RAMP3: variants seen among roughly 807,000 people sequenced by gnomAD.
RAMP3 encodes receptor activity modifying protein 3, also known as receptor activity-modifying protein 3.
Under a neutral mutation model 13.5 loss-of-function variants are expected in RAMP3, and 14 were observed. That is an observed-to-expected ratio of 1.04 (90% confidence interval 0.69 to 1.63). The LOEUF is 1.63. RAMP3 is among the 40% of genes most tolerant of loss of function. RAMP3 has a pLI of 0.00. For missense variants in RAMP3, 200 were observed against 204.8 expected (o/e 0.98, Z 0.14); for synonymous variants, 106 against 88.3 (o/e 1.20, Z -1.12).
chr7:45,158,369 T>G (rs1285197731), intron 1 of RAMP3, among the ~76,000 whole-genome samples: 2 of 152,126 alleles, frequency 1.3e-5, no homozygotes, highest in African/African-American at 4.8e-5. Context: ...CCAGGGCCCC[T>G]CAGTGTGTGG....
chr7:45,163,267 C>A (rs746548347), intron 1 of RAMP3: 8 of 985,284 alleles, frequency 8.1e-6, no homozygotes, highest in Non-Finnish European at 9.6e-6. Flanking sequence ...GGGATAGAGC[C>A]CCCAAGCCTC....
chr7:45,178,846 G>C (rs1398314182), intron 2 of RAMP3, among the ~76,000 whole-genome samples: 2 of 152,214 alleles, frequency 1.3e-5, no homozygotes, highest in Admixed American at 6.5e-5. Context: ...AACCCGATGG[G>C]CATTTAGGAG....
chr7:45,172,394 T>C (rs77784408), intron 1 of RAMP3, among the ~76,000 whole-genome samples: 203 of 152,364 alleles, frequency 1.3e-3, no homozygotes, highest in African/African-American at 4.7e-3. Context: ...GTAGATTTTC[T>C]TGAATAACCT....
chr7:45,176,293 C>T (rs1786184814), intron 1 of RAMP3, among the ~76,000 whole-genome samples: 1 of 152,064 alleles, frequency 6.6e-6, no homozygotes, highest in African/African-American at 2.4e-5. Context: ...AGCCCAGCAC[C>T]AGCCGCCGGA....
chr7:45,169,051 C>T (rs761842585), intron 1 of RAMP3, among the ~76,000 whole-genome samples: 1 of 152,136 alleles, frequency 6.6e-6, no homozygotes, highest in Non-Finnish European at 1.5e-5. Context: ...TTCCCCCCTT[C>T]GTTTATTAAT....
chr7:45,166,453 T>C (rs1422964123), intron 1 of RAMP3, among the ~76,000 whole-genome samples: 1 of 152,228 alleles, frequency 6.6e-6, no homozygotes, highest in African/African-American at 2.4e-5. Context: ...ATCATTTATA[T>C]ATATTTTTGT....
At chr7:45,164,761 A>G (rs1300839727) in intron 1 of RAMP3, among the ~76,000 whole-genome samples, 2 of 152,202 alleles carry the variant, frequency 1.3e-5, no homozygotes, top group African/African-American at 4.8e-5. Flanking sequence ...TCTGATATTA[A>G]TATAGCCACT....
At chr7:45,160,228 A>G (rs1471495058) in intron 1 of RAMP3, among the ~76,000 whole-genome samples, 1 of 149,596 alleles carries the variant, frequency 6.7e-6, no homozygotes, top group Non-Finnish European at 1.5e-5. Context: ...GCTACTCAGG[A>G]GGCTGAGGCA....
intron 2 of RAMP3, 49 bp from the exon 3 acceptor site, chr7:45,183,108 G>T: frequency 6.3e-7 from 1 of 1,598,532 alleles, no homozygotes; most frequent in Non-Finnish European, 8.5e-7. Flanking sequence ...CAGGGCAGGT[G>T]TGAGGGGGGA....
chr7:45,175,560 G>T (rs1400324669), intron 1 of RAMP3, among the ~76,000 whole-genome samples: 4 of 152,220 alleles, frequency 2.6e-5, no homozygotes. Context: ...CTGAGGTATA[G>T]GTTTGGGCAG....
intron 2 of RAMP3, 144 bp from the exon 3 acceptor site, chr7:45,183,013 T>TG: frequency 8.8e-7 from 1 of 1,141,222 alleles, no homozygotes; most frequent in Non-Finnish European, 1.2e-6. Context: ...GTGGCCAGAA[T>TG]GGGGATTTTC....
At position 45,157,822 on chromosome 7, in the gene RAMP3, G is replaced by C; in HGVS notation, c.-7G>C. 1.4e-6 allele frequency: 2 copies of C among 1,443,578 alleles called. No homozygotes were observed. The allele number at this position is 1,443,578 out of a possible 1,614,324, so 89.4% of individuals were successfully genotyped here. On this transcript the variant is annotated 5_prime_UTR_variant, in exon 1 of 3. Coordinates refer to ENST00000242249, the MANE Select transcript of RAMP3 (RefSeq NM_005856.3). ...ACCGAGCGTGACCCAGCTGCGGCCG[G>C]CCAGCCATGGAGACTGGAGCGCTGC...
At chr7:45,160,537 C>T (rs985808308) in intron 1 of RAMP3, among the ~76,000 whole-genome samples, 2 of 151,806 alleles carry the variant, frequency 1.3e-5, no homozygotes, top group African/African-American at 4.8e-5. Context: ...GGCAGAACCG[C>T]CCAGAATCCA....
intron 1 of RAMP3, among the ~76,000 whole-genome samples, chr7:45,166,456 A>T (rs1260807017): frequency 6.6e-6 from 1 of 152,148 alleles, no homozygotes; most frequent in African/African-American, 2.4e-5. Flanking sequence ...ATTTATATAT[A>T]TTTTTGTAGA....
intron 2 of RAMP3, among the ~76,000 whole-genome samples, chr7:45,178,417 C>T (rs1786236562): frequency 6.6e-6 from 1 of 152,366 alleles, no homozygotes; most frequent in Admixed American, 6.5e-5. Flanking sequence ...TGGCCTCATG[C>T]TTTTGCATGT....
chr7:45,163,048 T>G, intron 1 of RAMP3: 1 of 548,232 alleles, frequency 1.8e-6, no homozygotes, highest in Non-Finnish European at 2.3e-6. Flanking sequence ...TGGAGACACA[T>G]TGCTTTCCAT....
chr7:45,165,239 C>CA (rs1333836710), intron 1 of RAMP3, among the ~76,000 whole-genome samples: 1 of 152,122 alleles, frequency 6.6e-6, no homozygotes, highest in African/African-American at 2.4e-5. Context: ...AAGAACCTTC[C>CA]ATTTCTCTCC....
intron 1 of RAMP3, among the ~76,000 whole-genome samples, chr7:45,167,224 T>G (rs968317595): frequency 2.7e-5 from 4 of 149,838 alleles, no homozygotes; most frequent in South Asian, 2.1e-4. Context: ...CCCAAAGTGC[T>G]GGGATTACAG....
Position 45,157,817 on chromosome 7 carries a change from G to C in RAMP3, c.-12G>C. ...GCGGGACCGAGCGTGACCCAGCTGCGGCCGGCCAGCCATGGAGACTGGAGC... is the reference window on the plus strand; with the variant it reads ...GCGGGACCGAGCGTGACCCAGCTGCCGCCGGCCAGCCATGGAGACTGGAGC... On this transcript the variant is annotated 5_prime_UTR_variant, in exon 1 of 3. Coordinates refer to ENST00000242249, the MANE Select transcript of RAMP3 (RefSeq NM_005856.3). 3 of 1,440,696 alleles carry C rather than the reference G, an allele frequency of 2.1e-6. No homozygotes were observed. The highest frequency in any genetic ancestry group is 2.7e-6 in the Non-Finnish European group (3 of 1,105,392). The allele number at this position is 1,440,696 out of a possible 1,614,324, so 89.2% of individuals were successfully genotyped here.
Sources: allele counts gnomAD v4.1 joint callset (sites outside exome capture counted in the v4.1 genomes callset), GRCh38; gene constraint gnomAD v4.1.1; transcripts MANE v1.5; gene names NCBI Gene and HGNC (gene_info 2026-07-23, HGNC 2026-07-21).